The following RSAD2 variants were observed in gnomAD, a reference collection of about 807,000 sequenced individuals.
RSAD2 encodes the protein radical S-adenosyl methionine domain containing 2, also known as S-adenosylmethionine-dependent nucleotide dehydratase RSAD2.
In RSAD2, 38 loss-of-function variants were observed where a neutral mutation model predicts 37.7. The ratio of observed to expected loss-of-function variants is 1.01; its 90% CI spans 0.78 to 1.32. The LOEUF is 1.32. RSAD2 is among the 40% of genes most tolerant of loss of function. The probability of loss-of-function intolerance (pLI) is 0.00; values close to 1 mark genes in which losing one functional copy is unlikely to be tolerated. For missense variants in RSAD2, 428 were observed against 437.5 expected, an observed-to-expected ratio of 0.98 and a Z score of 0.19; for synonymous variants, 163 against 157.4, an observed-to-expected ratio of 1.04 and a Z score of -0.27.
intron 5 of RSAD2, among the ~76,000 whole-genome samples, chr2:6,895,302 A>T (rs1375336): frequency 0.67 from 101,520 of 152,136 alleles, 34,126 homozygotes; most frequent in East Asian, 0.78. Flanking sequence ...ACAAGCCTTT[A>T]TTAATATTTA....
At chr2:6,880,399 C>T (rs1036910114) in intron 1 of RSAD2, among the ~76,000 whole-genome samples, 1 of 152,166 alleles carries the variant, frequency 6.6e-6, no homozygotes, top group Non-Finnish European at 1.5e-5. Flanking sequence ...TTCTGTTTCT[C>T]TTTGTTGTGC....
chr2:6,878,278 G>A, intron 1 of RSAD2, 132 bp downstream of exon 1: 1 of 710,286 alleles, frequency 1.4e-6, no homozygotes, highest in Non-Finnish European at 2.3e-6. Flanking sequence ...ACCCTTGCAT[G>A]GTGAGCATGT....
chr2:6,884,601 G>A (rs1032222945), intron 2 of RSAD2, among the ~76,000 whole-genome samples: 4 of 152,224 alleles, frequency 2.6e-5, no homozygotes, highest in Admixed American at 1.3e-4. Context: ...GGTGTGCAGA[G>A]TAGGGACAGT....
At position 6,866,554 on chromosome 2, in the gene RSAD2, A is replaced by G. The variant is rs1044224068; in HGVS notation, c.142+509A>G. 3.7e-6 allele frequency: 3 copies of G among 815,236 alleles called. No homozygotes were observed. In the African/African-American group the frequency reaches 5.5e-5, roughly 15 times the overall value. The allele number at this position is 815,236 out of a possible 1,614,324, so 50.5% of individuals were successfully genotyped here. A position where few individuals can be genotyped will look rare whatever the true frequency, so the allele number is the denominator to read the frequency against. ...CCACCAAATTGAAGTTTCCTGCACT[A>G]AGGTGAAGTGTGTCAGGATAGCACC... On this transcript the variant is annotated intron_variant, in intron 1 of 5. Coordinates refer to the RSAD2 transcript ENST00000442639.
In RSAD2 at chr2:6,877,808, T is replaced by G; in HGVS notation, c.8T>G (p.Val3Gly). The part of the protein sequence containing the change: MW[V>G]LTPAAFAGKL... ...CTCCAGGCATCTGCCACAATGTGGGTGCTTACACCTGCTGCTTTTGCTGGG... is the reference window on the plus strand; with the variant it reads ...CTCCAGGCATCTGCCACAATGTGGGGGCTTACACCTGCTGCTTTTGCTGGG... The change falls in exon 1 of 6, where the codon GTG (valine) becomes GGG (glycine). Residue 3 changes from valine to glycine, a missense_variant. By Grantham distance (109) the Val-to-Gly change is moderately radical. Coordinates refer to ENST00000382040, the MANE Select transcript of RSAD2 (RefSeq NM_080657.5). The G allele has an allele frequency of 6.2e-7, 1 of 1,613,202 alleles. No individual in the cohort carries two copies. The highest frequency in any genetic ancestry group is 8.5e-7 in the Non-Finnish European group (1 of 1,179,474).
At chr2:6,883,306 C>T (rs1663450327) in intron 1 of RSAD2, 65 bp from the exon 2 acceptor site, 2 of 1,514,104 alleles carry the variant, frequency 1.3e-6, no homozygotes, top group South Asian at 1.2e-5. Context: ...GAAAATACTA[C>T]TTTTGCTATT....
chr2:6,893,525 T>G, intron 4 of RSAD2, 146 bp from the exon 5 acceptor site: 1 of 687,086 alleles, frequency 1.5e-6, no homozygotes, highest in Non-Finnish European at 2.7e-6. Flanking sequence ...AGCCTTGTCT[T>G]GTGAGGGCCA....
intron 2 of RSAD2, among the ~76,000 whole-genome samples, 190 bp from the exon 3 acceptor site, chr2:6,886,745 C>T (rs1241519525): frequency 6.6e-6 from 1 of 152,172 alleles, no homozygotes. Flanking sequence ...CATTATTTTA[C>T]ATATATATTT....
upstream of RSAD2, chr2:6,877,742 C>A: frequency 7.6e-7 from 1 of 1,316,548 alleles, no homozygotes; most frequent in Non-Finnish European, 1.0e-6. Flanking sequence ...TGATTTCCAT[C>A]CCTATATAAA....
chr2:6,893,654 T>C lies in RSAD2; in HGVS notation c.889-17T>C. On this transcript the variant is annotated splice_polypyrimidine_tract_variant and intron_variant, in intron 4 of 5. Transcript: ENST00000382040. The stretch of plus-strand genomic sequence containing the variant: ...AATGCACCTGAAACTAAATTTGTAT[T>C]AACTTCTCCTTTGCAGATGAAAGAC... The C allele has an allele frequency of 6.2e-7, 1 of 1,601,902 alleles. No homozygotes were observed. The highest frequency in any genetic ancestry group is 1.1e-5 in the South Asian group (1 of 90,746).
chr2:6,890,345 G>T lies in RSAD2; in HGVS notation c.888+20G>T, dbSNP rs771669872. On this transcript the variant is annotated intron_variant, in intron 4 of 5. Transcript: ENST00000382040. ...CAGAAGGTTGTATAAAGCAAAAGTT[G>T]TTTTCTTTGTCATCATACATTCAGA... The T allele has an allele frequency of 6.2e-7, 1 of 1,612,060 alleles. No individual in the cohort carries two copies. The highest frequency in any genetic ancestry group is 8.5e-7 in the Non-Finnish European group (1 of 1,178,810).
At chr2:6,885,439 T>C (rs1041349323) in intron 2 of RSAD2, among the ~76,000 whole-genome samples, 16 of 152,188 alleles carry the variant, frequency 1.1e-4, no homozygotes, top group African/African-American at 3.9e-4. Context: ...TCTTGACAAG[T>C]TGATTCAACA....
Position 6,894,312 on chromosome 2 carries a change from T to A in RSAD2, c.921+609T>A, listed in dbSNP as rs577673059. On this transcript the variant is annotated intron_variant, in intron 5 of 5. Transcript: ENST00000382040. The stretch of plus-strand genomic sequence containing the variant: ...TCCTCTGTCTTTTTTTTTCTAGATC[T>A]ATAACCATTGCCACTCTTCCTAGCA... Among the ~76,000 whole-genome samples the A allele has an allele frequency of 1.1e-4, 17 of 152,180 alleles. No individual in the cohort carries two copies. In the South Asian group the frequency reaches 3.5e-3, roughly 32 times the overall value.
chr2:6,877,880 G>T lies in RSAD2; in HGVS notation c.80G>T (p.Ser27Ile). Reference protein sequence around the residue: ...FRQPLSSLWRSLVPLFCWLRA... With the variant: ...FRQPLSSLWRILVPLFCWLRA... ...CAACCTCTGAGCTCTCTGTGGAGGAGCCTGGTCCCGCTGTTCTGCTGGCTG... is the reference window on the plus strand; with the variant it reads ...CAACCTCTGAGCTCTCTGTGGAGGATCCTGGTCCCGCTGTTCTGCTGGCTG... Residue 27 changes from serine (S) to isoleucine (I), a missense_variant, in exon 1 of 6, where the codon AGC (serine) becomes ATC (isoleucine). Coordinates refer to ENST00000382040, the MANE Select transcript of RSAD2 (RefSeq NM_080657.5). 1.9e-6 allele frequency: 3 copies of T among 1,614,146 alleles called. No homozygotes were observed. Among genetic ancestry groups the T allele is most frequent in the Non-Finnish European group, 1.7e-6 (2 of 1,180,040 alleles).
intron 1 of RSAD2, among the ~76,000 whole-genome samples, chr2:6,878,386 C>T (rs1663330725): frequency 6.6e-6 from 1 of 152,144 alleles, no homozygotes; most frequent in Admixed American, 6.5e-5. Flanking sequence ...TGGAGCAAAC[C>T]TGTCCCTCCT....
intron 1 of RSAD2, among the ~76,000 whole-genome samples, chr2:6,868,726 G>A (rs1204946430): frequency 1.3e-5 from 2 of 152,148 alleles, no homozygotes; most frequent in Admixed American, 1.3e-4. Context: ...TCTTGGAGTT[G>A]GTTTTCTCAC....
At chr2:6,885,297 AG>A (rs1663496315) in intron 2 of RSAD2, among the ~76,000 whole-genome samples, 3 of 152,298 alleles carry the variant, frequency 2.0e-5, no homozygotes, top group Admixed American at 2.0e-4. Context: ...TTTGAGTCTT[AG>A]GGTCTGAGGC....
Position 6,883,474 on chromosome 2 carries a change from C to A in RSAD2, c.450C>A (p.Pro150=). 1 of 1,614,112 alleles carries A rather than the reference C, an allele frequency of 6.2e-7. No homozygotes were observed. Among genetic ancestry groups the A allele is most frequent in the East Asian group, 2.2e-5 (1 of 44,880 alleles). Residue 150 remains proline (P), a synonymous_variant, in exon 2 of 6, where the codon CCC becomes CCA. Transcript: ENST00000382040. The part of the protein sequence containing the change: ...VRFCKVELRL[P]SVSIVSNGSL... ...TCTGCAAAGTAGAGTTGCGGCTGCC[C>A]AGCGTGAGCATCGTGAGCAATGGAA...
intron 1 of RSAD2, among the ~76,000 whole-genome samples, chr2:6,868,293 T>C (rs950305316): frequency 6.6e-5 from 10 of 152,178 alleles, no homozygotes; most frequent in Non-Finnish European, 1.5e-4. Context: ...AGCTTAGTTT[T>C]TGAAAACATG....
Sources: gnomAD v4.1 joint callset for allele counts (sites outside exome capture counted in the v4.1 genomes callset) on GRCh38, gnomAD v4.1.1 for gene constraint, MANE v1.5 for transcripts, NCBI Gene and HGNC (gene_info 2026-07-23, HGNC 2026-07-21) for gene names.